Variants in KIRREL3 observed in about 807,000 individuals in gnomAD.
KIRREL3 encodes the protein kin of IRRE-like protein 3.
A neutral mutation model predicts 89.7 loss-of-function variants in KIRREL3; 36 were observed. The observed-to-expected ratio is 0.40, with a 90% CI of 0.31 to 0.53. The LOEUF (loss-of-function observed/expected upper bound fraction) is 0.53. Among genes scored for constraint, KIRREL3 ranks in the 20% least tolerant of loss-of-function variants. The pLI is 0.49. For missense variants in KIRREL3, 864 were observed against 1,056.6 expected (o/e 0.82, Z 2.53); for synonymous variants, 445 against 441.4 (o/e 1.01, Z -0.10).
intron 4 of KIRREL3, among the ~76,000 whole-genome samples, chr11:126,493,472 G>A (rs1042477189): frequency 3.9e-5 from 6 of 151,948 alleles, no homozygotes; most frequent in African/African-American, 1.2e-4. Flanking sequence ...TGGCTAACAC[G>A]GTGAAACCCC....
chr11:126,517,194 A>G (rs929830939), intron 4 of KIRREL3, among the ~76,000 whole-genome samples: 1 of 145,002 alleles, frequency 6.9e-6, no homozygotes, highest in African/African-American at 2.5e-5. Context: ...TGTTTACAAC[A>G]ATTCTATGAC....
intron 1 of KIRREL3, among the ~76,000 whole-genome samples, chr11:126,781,764 G>T (rs991796025): frequency 6.6e-6 from 1 of 152,060 alleles, no homozygotes; most frequent in Non-Finnish European, 1.5e-5. Flanking sequence ...CACCCACTTT[G>T]ATTTACCATC....
intron 1 of KIRREL3, among the ~76,000 whole-genome samples, chr11:126,667,298 T>C (rs947253666): frequency 2.0e-5 from 3 of 152,222 alleles, no homozygotes; most frequent in African/African-American, 4.8e-5. Flanking sequence ...ACACACACAG[T>C]TGGATATTGA....
At chr11:126,888,391 C>A (rs1001163917) in intron 1 of KIRREL3, among the ~76,000 whole-genome samples, 1 of 148,274 alleles carries the variant, frequency 6.7e-6, no homozygotes, top group Non-Finnish European at 1.5e-5. Flanking sequence ...CTCACCAGGG[C>A]CCGTGCCAGA....
chr11:126,938,520 T>C (rs1948300883), intron 1 of KIRREL3, among the ~76,000 whole-genome samples: 1 of 152,214 alleles, frequency 6.6e-6, no homozygotes, highest in Non-Finnish European at 1.5e-5. Context: ...TTGCCTGCTA[T>C]GAAGAAAGCT....
At chr11:126,629,631 C>A (rs1812817333) in intron 1 of KIRREL3, among the ~76,000 whole-genome samples, 1 of 152,210 alleles carries the variant, frequency 6.6e-6, no homozygotes, top group African/African-American at 2.4e-5. Context: ...CAGCAGCAGA[C>A]TTCCTTGCTA....
chr11:126,761,465 A>G lies in KIRREL3; in HGVS notation c.56-198553T>C, dbSNP rs1218802842. Among the ~76,000 whole-genome samples, 1 of 152,252 alleles carries G rather than the reference A, an allele frequency of 6.6e-6. No individual in the cohort carries two copies. Among genetic ancestry groups the G allele is most frequent in the African/African-American group, 2.4e-5 (1 of 41,464 alleles). On this transcript the variant is annotated intron_variant, in intron 1 of 16. Transcript: ENST00000525144. The surrounding 1 kb of genome is among the most constrained non-coding windows in gnomAD (Gnocchi z 4.4). The stretch of plus-strand genomic sequence containing the variant: ...CACTGAGGAGGAGCAAGACAACCCC[A>G]GTCCCAGCCCTGCTCCTTTCTCTTT...
chr11:126,879,964 A>C lies in KIRREL3; in HGVS notation c.55+120491T>G, dbSNP rs1945432928. ...AAGGAAGCCATGGTATGTACTGGGA[A>C]GTCTTGTGCCTATGGAAATTCCTTG... On this transcript the variant is annotated intron_variant, in intron 1 of 16. Transcript: ENST00000525144. The surrounding 1 kb of genome is among the most constrained non-coding windows in gnomAD (Gnocchi z 5.4). Among the ~76,000 whole-genome samples, 1 of 152,190 alleles carries C rather than the reference A, an allele frequency of 6.6e-6. No individual in the cohort carries two copies. Among genetic ancestry groups the C allele is most frequent in the African/African-American group, 2.4e-5 (1 of 41,448 alleles).
At position 126,530,726 on chromosome 11, in the gene KIRREL3, C is replaced by T. The variant is rs983818528; in HGVS notation, c.134-4039G>A. Reference sequence around the variant, plus strand: ...ATGTGACACACCCAGCACCTTCCACCGGCCCAGGGTTTCCATCTTCTCCGC... The same window carrying T: ...ATGTGACACACCCAGCACCTTCCACTGGCCCAGGGTTTCCATCTTCTCCGC... On this transcript the variant is annotated intron_variant, in intron 2 of 16. Coordinates refer to ENST00000525144, the MANE Select transcript of KIRREL3 (RefSeq NM_032531.4). The surrounding 1 kb of genome is among the most constrained non-coding windows in gnomAD (Gnocchi z 5.8). 7.9e-5 allele frequency among the ~76,000 whole-genome samples: 12 copies of T among 152,228 alleles called. No individual in the cohort carries two copies. Among genetic ancestry groups the T allele is most frequent in the African/African-American group, 2.4e-4 (10 of 41,462 alleles).
intron 1 of KIRREL3, among the ~76,000 whole-genome samples, chr11:126,732,921 G>A (rs1484234296): frequency 6.6e-6 from 1 of 152,200 alleles, no homozygotes; most frequent in South Asian, 2.1e-4. Flanking sequence ...GGGACTCAAA[G>A]GGCTTGCCCT....
Position 126,876,110 on chromosome 11 carries a change from C to T in KIRREL3, c.55+124345G>A, listed in dbSNP as rs989659214. 5.9e-5 allele frequency among the ~76,000 whole-genome samples: 9 copies of T among 152,096 alleles called. 1 individual carries two copies. Among genetic ancestry groups the T allele is most frequent in the African/African-American group, 1.4e-4 (6 of 41,402 alleles). On this transcript the variant is annotated intron_variant, in intron 1 of 16. Coordinates refer to ENST00000525144, the MANE Select transcript of KIRREL3 (RefSeq NM_032531.4). This position sits in a 1 kb window ranked among gnomAD's most constrained non-coding sequence, Gnocchi z 4.1. ...GGAAATAATGACTTCAAAGGGCAGCCGTCTTCTACTAGCTCTTCAGAACTT... is the reference window on the plus strand; with the variant it reads ...GGAAATAATGACTTCAAAGGGCAGCTGTCTTCTACTAGCTCTTCAGAACTT...
rs959536959 is a variant in KIRREL3 at position 126,981,922 on chromosome 11, A to G, written c.55+18533T>C. Among the ~76,000 whole-genome samples the G allele has an allele frequency of 2.0e-5, 3 of 152,242 alleles. No individual in the cohort carries two copies. Among genetic ancestry groups the G allele is most frequent in the African/African-American group, 7.2e-5 (3 of 41,456 alleles). On this transcript the variant is annotated intron_variant, in intron 1 of 16. Transcript: ENST00000525144. The surrounding 1 kb of genome is among the most constrained non-coding windows in gnomAD (Gnocchi z 4.2). ...CCTCATTAATATTCAAATCTATTCAAGTCATTTCAATTTGAATTCTATGCA... is the reference window on the plus strand; with the variant it reads ...CCTCATTAATATTCAAATCTATTCAGGTCATTTCAATTTGAATTCTATGCA...
Position 126,446,739 on chromosome 11 carries a change from G to A in KIRREL3, c.1125+20C>T, listed in dbSNP as rs752335322. 2.5e-6 allele frequency: 4 copies of A among 1,591,228 alleles called. No individual in the cohort carries two copies. The highest frequency in any genetic ancestry group is 4.6e-5 in the East Asian group (2 of 43,862). ...CCGCCCCCTGCCAGAGGTGCCCCGA[G>A]GTCTGAGCTGCAGCCTCACCACTCC... On this transcript the variant is annotated intron_variant, in intron 9 of 16. Coordinates refer to ENST00000525144, the MANE Select transcript of KIRREL3 (RefSeq NM_032531.4).
intron 1 of KIRREL3, among the ~76,000 whole-genome samples, chr11:126,646,084 TG>T (rs1425579266): frequency 6.6e-6 from 1 of 152,142 alleles, no homozygotes; most frequent in Non-Finnish European, 1.5e-5. Context: ...AAGGCAATAA[TG>T]CTTTACAGCC....
In KIRREL3 at chr11:126,562,939, T is replaced by C. The variant is rs374552602; in HGVS notation, c.56-27A>G. ...TGGAAGAGAAGCATAGGTGGGTGAG[T>C]TGGGAATGGGAACAGGTCAGGCATT... On this transcript the variant is annotated intron_variant, in intron 1 of 16. Transcript: ENST00000525144. The surrounding 1 kb of genome is among the most constrained non-coding windows in gnomAD (Gnocchi z 4.7). The C allele has an allele frequency of 1.8e-5, 29 of 1,593,858 alleles. No homozygotes were observed. The highest frequency in any genetic ancestry group is 1.1e-4 in the African/African-American group (8 of 74,486).
In KIRREL3 at chr11:126,997,145, A is replaced by G. The variant is rs1950200595; in HGVS notation, c.55+3310T>C. Reference sequence around the variant, plus strand: ...GCAGGCTGGATGGGATGGGGCTTGAAGCTTAAGGAGGGCACAGAAGGAAAT... The same window carrying G: ...GCAGGCTGGATGGGATGGGGCTTGAGGCTTAAGGAGGGCACAGAAGGAAAT... On this transcript the variant is annotated intron_variant, in intron 1 of 16. Transcript: ENST00000525144. This position sits in a 1 kb window ranked among gnomAD's most constrained non-coding sequence, Gnocchi z 4.3. Among the ~76,000 whole-genome samples the G allele has an allele frequency of 6.6e-6, 1 of 152,180 alleles. No homozygotes were observed. The highest frequency in any genetic ancestry group is 1.5e-5 in the Non-Finnish European group (1 of 68,026).
At chr11:126,450,484 G>GGTAT (rs1956014965) in intron 7 of KIRREL3, among the ~76,000 whole-genome samples, 3 of 115,182 alleles carry the variant, frequency 2.6e-5, no homozygotes, top group African/African-American at 6.7e-5. Flanking sequence ...CATGTGTGTG[G>GGTAT]GTGTGAGTGT....
At position 126,454,234 on chromosome 11, in the gene KIRREL3, C is replaced by T. The variant is rs116569852; in HGVS notation, c.848+2115G>A. ...ACCCTGGGAATCAGGCCCAGCACTT[C>T]GTTTCCTGGGTGTTTGCTGTCCGGG... On this transcript the variant is annotated intron_variant, in intron 7 of 16. Transcript: ENST00000525144. The surrounding 1 kb of genome is among the most constrained non-coding windows in gnomAD (Gnocchi z 5.8). Among the ~76,000 whole-genome samples the T allele has an allele frequency of 2.1e-4, 32 of 151,650 alleles. 1 individual carries two copies. The highest frequency in any genetic ancestry group is 7.5e-4 in the African/African-American group (31 of 41,384).
Position 126,623,536 on chromosome 11 carries a change from G to C in KIRREL3, c.56-60624C>G, listed in dbSNP as rs892324738. Among the ~76,000 whole-genome samples, 2 of 152,114 alleles carry C rather than the reference G, an allele frequency of 1.3e-5. No homozygotes were observed. Among genetic ancestry groups the C allele is most frequent in the African/African-American group, 4.8e-5 (2 of 41,414 alleles). Reference sequence around the variant, plus strand: ...CACTGGAATGATCAGAAAAACGTCTGTGTGAATCTTGCATGATGGAAGAGG... The same window carrying C: ...CACTGGAATGATCAGAAAAACGTCTCTGTGAATCTTGCATGATGGAAGAGG... On this transcript the variant is annotated intron_variant, in intron 1 of 16. Coordinates refer to ENST00000525144, the MANE Select transcript of KIRREL3 (RefSeq NM_032531.4). The surrounding 1 kb of genome is among the most constrained non-coding windows in gnomAD (Gnocchi z 4.1).
Sources: allele counts gnomAD v4.1 joint callset (sites outside exome capture counted in the v4.1 genomes callset), GRCh38; gene constraint gnomAD v4.1.1; non-coding constraint Gnocchi (gnomAD v3.1); transcripts MANE v1.5; gene names NCBI Gene and HGNC (gene_info 2026-07-23, HGNC 2026-07-21).